The following DIAPH1 variants were observed in gnomAD, a reference collection of about 807,000 sequenced individuals.
DIAPH1 encodes diaphanous related formin 1.
DIAPH1 carries 46 observed loss-of-function variants against 140.7 expected under a neutral mutation model. That is an observed-to-expected ratio of 0.33 (90% CI 0.26 to 0.42). DIAPH1 has a LOEUF of 0.42. DIAPH1 is among the 10% of genes least tolerant of loss of function. DIAPH1 has a pLI of 1.00. For synonymous variants in DIAPH1, 565 were observed against 551.6 expected (o/e 1.02, Z -0.34); for missense variants, 1,310 against 1,558.7 (o/e 0.84, Z 2.69).
chr5:141,571,705 C>T (rs547420569), intron 17 of DIAPH1: 8 of 679,718 alleles, frequency 1.2e-5, no homozygotes, highest in Admixed American at 1.1e-4. Context: ...TATACTGATA[C>T]AAAATACCTA....
At chr5:141,518,928 C>T in intron 27 of DIAPH1, 1 of 1,550,518 alleles carries the variant, frequency 6.4e-7, no homozygotes, top group African/African-American at 1.4e-5. Context: ...GAACACGCAG[C>T]ATGCACACAG....
chr5:141,593,686 A>G (rs2099898846), intron 1 of DIAPH1, among the ~76,000 whole-genome samples: 1 of 152,270 alleles, frequency 6.6e-6, no homozygotes, highest in South Asian at 2.1e-4. Flanking sequence ...TAAACTTACG[A>G]AAGAAGCTCA....
chr5:141,611,156 G>C (rs953705816), intron 1 of DIAPH1, among the ~76,000 whole-genome samples: 2 of 152,072 alleles, frequency 1.3e-5, no homozygotes, highest in African/African-American at 4.8e-5. Context: ...CCAGGTACTG[G>C]GGAGGCTGAG....
At chr5:141,564,688 A>G (rs1369248582) in intron 18 of DIAPH1, 1 of 152,252 alleles carries the variant, frequency 6.6e-6, no homozygotes, top group Non-Finnish European at 1.5e-5. Flanking sequence ...AACAAACAAA[A>G]TAACAAAAGG....
Position 141,581,920 on chromosome 5 carries a change from C to T in DIAPH1, c.684+392G>A, listed in dbSNP as rs561129777. 82 of 167,120 alleles carry T rather than the reference C, an allele frequency of 4.9e-4. No homozygotes were observed. In the South Asian group the frequency reaches 6.6e-3, roughly 13 times the overall value. The allele number at this position is 167,120 out of a possible 1,614,324, so 10.4% of individuals were successfully genotyped here. A position where few individuals can be genotyped will look rare whatever the true frequency, so the allele number is the denominator to read the frequency against. ...ATAAAAATTAAAAAAAATACCCGGG[C>T]GTGGTGGCGGGTGCCTGTAGTCCCA... On this transcript the variant is annotated intron_variant, in intron 7 of 27. Transcript: ENST00000389054.
At chr5:141,580,450 T>TAA (rs3214265) in intron 8 of DIAPH1, among the ~76,000 whole-genome samples, 2 of 147,308 alleles carry the variant, frequency 1.4e-5, no homozygotes, top group Admixed American at 6.7e-5. Context: ...ACTTCTGAAT[T>TAA]AAAAAAAAAA....
At chr5:141,538,330 G>A (rs1056301774) in intron 18 of DIAPH1, among the ~76,000 whole-genome samples, 9 of 150,476 alleles carry the variant, frequency 6.0e-5, no homozygotes, top group African/African-American at 2.2e-4. Context: ...AAAGAGCTGG[G>A]ATTACAGGCG....
chr5:141,580,254 G>A (rs1437916266), intron 8 of DIAPH1, among the ~76,000 whole-genome samples: 1 of 152,150 alleles, frequency 6.6e-6, no homozygotes, highest in Non-Finnish European at 1.5e-5. Context: ...ATCTTTTGCG[G>A]TGGCAGATGT....
intron 1 of DIAPH1, among the ~76,000 whole-genome samples, chr5:141,589,607 T>C (rs964558143): frequency 2.8e-5 from 3 of 108,792 alleles, no homozygotes; most frequent in South Asian, 3.2e-4. Context: ...ATAAAGGAAA[T>C]AATCACCATA....
At chr5:141,589,505 G>A (rs1054587803) in intron 1 of DIAPH1, among the ~76,000 whole-genome samples, 4 of 152,082 alleles carry the variant, frequency 2.6e-5, no homozygotes, top group Non-Finnish European at 5.9e-5. Context: ...TGAACTTACA[G>A]CTATTCATAA....
chr5:141,587,154 T>C lies in DIAPH1; in HGVS notation c.188A>G (p.Lys63Arg). ...AGAATTTCTATGAGCAGAATTGGGC[T>C]TTTCCTTCTCCTTCTTAATTCTCAT... ...TSMRIKKEKE[K>R]PNSAHRNSSA... The change falls in exon 3 of 28, where the codon AAG becomes AGG. Residue 63 changes from lysine (K) to arginine (R), a missense_variant. By Grantham distance (26) the Lys-to-Arg change is conservative (BLOSUM62 2). This residue lies in a region of DIAPH1 where 377 missense variants were observed against 497.1 expected (regional missense o/e 0.76). Transcript: ENST00000389054. 1 of 1,614,140 alleles carries C rather than the reference T, an allele frequency of 6.2e-7. No homozygotes were observed. The highest frequency in any genetic ancestry group is 8.5e-7 in the Non-Finnish European group (1 of 1,179,998).
At chr5:141,571,765 C>T (rs900201406) in intron 17 of DIAPH1, 161 bp downstream of exon 17, 9 of 726,524 alleles carry the variant, frequency 1.2e-5, no homozygotes, top group South Asian at 5.9e-5. Flanking sequence ...ATATTTAATA[C>T]AAAAACATCT....
intron 1 of DIAPH1, among the ~76,000 whole-genome samples, chr5:141,610,020 G>A (rs565206461): frequency 1.8e-4 from 27 of 152,324 alleles, no homozygotes; most frequent in African/African-American, 6.0e-4. Flanking sequence ...GAGAGAAGCC[G>A]AGCACAGTGG....
At position 141,516,824 on chromosome 5, in the gene DIAPH1, G is replaced by A; in HGVS notation, c.*27C>T. The stretch of plus-strand genomic sequence containing the variant: ...GCAGGACAGTCTGCGGCTCCGCTGA[G>A]GAGCTGCCGCGGTCACAGGACCCAC... On this transcript the variant is annotated 3_prime_UTR_variant, in exon 28 of 28. Transcript: ENST00000389054. 1 of 1,613,388 alleles carries A rather than the reference G, an allele frequency of 6.2e-7. No homozygotes were observed. The highest frequency in any genetic ancestry group is 8.5e-7 in the Non-Finnish European group (1 of 1,179,930).
At chr5:141,575,763 G>A (rs1413321788) in intron 14 of DIAPH1, among the ~76,000 whole-genome samples, 2 of 152,134 alleles carry the variant, frequency 1.3e-5, no homozygotes, top group African/African-American at 4.8e-5. Context: ...AGATTTTAAA[G>A]GTATTTAACG....
chr5:141,545,164 G>A (rs1363116912), intron 18 of DIAPH1, among the ~76,000 whole-genome samples: 1 of 152,154 alleles, frequency 6.6e-6, no homozygotes, highest in Non-Finnish European at 1.5e-5. Context: ...ATAAGGAGGA[G>A]GACTGACAAA....
intron 18 of DIAPH1, chr5:141,564,526 T>C (rs1348937998): frequency 1.3e-5 from 2 of 152,238 alleles, no homozygotes; most frequent in East Asian, 1.9e-4. Flanking sequence ...ATAGTAAGTC[T>C]TCTGTGGAAA....
At chr5:141,618,776 G>A in intron 1 of DIAPH1, 22 bp downstream of exon 1, 1 of 1,515,840 alleles carries the variant, frequency 6.6e-7, no homozygotes, top group Non-Finnish European at 9.0e-7. Context: ...CCAGGCAGGA[G>A]CGGGATGGGA....
At chr5:141,614,278 T>G (rs1392083908) in intron 1 of DIAPH1, among the ~76,000 whole-genome samples, 2 of 152,198 alleles carry the variant, frequency 1.3e-5, no homozygotes. Flanking sequence ...CAATAAAAAT[T>G]ATTTTAACCT....
Sources: allele counts gnomAD v4.1 joint callset (sites outside exome capture counted in the v4.1 genomes callset), GRCh38; gene constraint gnomAD v4.1.1; regional missense constraint gnomAD v4.1.1; transcripts MANE v1.5; gene names NCBI Gene and HGNC (gene_info 2026-07-23, HGNC 2026-07-21).